The following PTPRD variants were observed in gnomAD, a reference collection of about 807,000 sequenced individuals.
PTPRD encodes the protein protein tyrosine phosphatase receptor type D.
PTPRD carries 34 observed loss-of-function variants against 214.5 expected under a neutral mutation model. That is an observed-to-expected ratio of 0.16 (90% CI 0.12 to 0.21). The LOEUF is 0.21. Among genes scored for constraint, PTPRD ranks in the 10% least tolerant of loss-of-function variants. PTPRD has a pLI of 1.00. For missense variants in PTPRD, 2,545 were observed against 2,398.7 expected, an observed-to-expected ratio of 1.06 and a Z score of -1.27; for synonymous variants, 1,128 against 845.7, an observed-to-expected ratio of 1.33 and a Z score of -5.79.
In PTPRD at chr9:8,803,944, C is replaced by T. The variant is rs550491129; in HGVS notation, c.-103-69998G>A. ...TGGATTTTTTTTTTACGTTTGAAGTCCCTCACTTCTTCCCTCCACCCCCCC... is the reference window on the plus strand; with the variant it reads ...TGGATTTTTTTTTTACGTTTGAAGTTCCTCACTTCTTCCCTCCACCCCCCC... On this transcript the variant is annotated intron_variant, in intron 11 of 45. Transcript: ENST00000381196. 2.6e-5 allele frequency among the ~76,000 whole-genome samples: 4 copies of T among 151,514 alleles called. No individual in the cohort carries two copies. The South Asian group carries it at 8.4e-4, about 32-fold the overall frequency.
intron 9 of PTPRD, among the ~76,000 whole-genome samples, chr9:9,191,589 A>G (rs2099935206): frequency 6.6e-6 from 1 of 152,142 alleles, no homozygotes; most frequent in Admixed American, 6.6e-5. Context: ...ATACTGTCCC[A>G]ATATGACAAA....
intron 5 of PTPRD, among the ~76,000 whole-genome samples, chr9:9,778,039 C>A (rs2098812392): frequency 6.6e-6 from 1 of 152,124 alleles, no homozygotes; most frequent in South Asian, 2.1e-4. Context: ...AGAGGGGAGA[C>A]AAGATGGCTG....
At chr9:10,589,223 G>C (rs1021227653) in intron 2 of PTPRD, among the ~76,000 whole-genome samples, 2 of 151,936 alleles carry the variant, frequency 1.3e-5, no homozygotes, top group Non-Finnish European at 2.9e-5. Flanking sequence ...CAGATAAACA[G>C]GTCAAAAAGA....
intron 3 of PTPRD, among the ~76,000 whole-genome samples, chr9:10,316,810 T>A (rs910778253): frequency 7.2e-5 from 11 of 151,952 alleles, no homozygotes; most frequent in Non-Finnish European, 1.2e-4. Flanking sequence ...ATGCTTTCAA[T>A]CTTGGCTTGG....
chr9:9,593,874 C>A (rs1339192959), intron 7 of PTPRD, among the ~76,000 whole-genome samples: 1 of 152,030 alleles, frequency 6.6e-6, no homozygotes, highest in Non-Finnish European at 1.5e-5. Flanking sequence ...TGACACCCCT[C>A]ATGACTTACT....
At chr9:9,840,551 A>C (rs1258929117) in intron 5 of PTPRD, among the ~76,000 whole-genome samples, 1 of 152,026 alleles carries the variant, frequency 6.6e-6, no homozygotes, top group Non-Finnish European at 1.5e-5. Context: ...CCAAAAGTAA[A>C]ATAAAATTAT....
chr9:9,167,822 A>G (rs2099907174), intron 10 of PTPRD, among the ~76,000 whole-genome samples: 1 of 152,164 alleles, frequency 6.6e-6, no homozygotes, highest in South Asian at 2.1e-4. Context: ...ATTAATTTTT[A>G]TCCTGAATTT....
At chr9:9,814,705 C>T (rs1221376900) in intron 5 of PTPRD, among the ~76,000 whole-genome samples, 2 of 151,884 alleles carry the variant, frequency 1.3e-5, no homozygotes, top group African/African-American at 4.8e-5. Flanking sequence ...CACGCAATCC[C>T]TACCAAATTC....
chr9:10,582,775 A>T (rs1472270173), intron 2 of PTPRD, among the ~76,000 whole-genome samples: 1 of 152,188 alleles, frequency 6.6e-6, no homozygotes, highest in Non-Finnish European at 1.5e-5. Flanking sequence ...AACTACACAC[A>T]CCATTGAGAT....
chr9:8,626,565 G>A (rs1316738697), intron 14 of PTPRD, among the ~76,000 whole-genome samples: 1 of 151,730 alleles, frequency 6.6e-6, no homozygotes, highest in Non-Finnish European at 1.5e-5. Context: ...GGGTGTTTTT[G>A]GATGCGATTA....
At chr9:8,405,336 T>G (rs1269182187) in intron 35 of PTPRD, among the ~76,000 whole-genome samples, 2 of 152,104 alleles carry the variant, frequency 1.3e-5, no homozygotes, top group African/African-American at 4.8e-5. Context: ...TATTTTCTAT[T>G]TATTATTATG....
chr9:10,224,317 T>C (rs976306932), intron 3 of PTPRD, among the ~76,000 whole-genome samples: 1 of 152,022 alleles, frequency 6.6e-6, no homozygotes, highest in African/African-American at 2.4e-5. Context: ...CAAATTTGTA[T>C]GGATTAGAAT....
intron 9 of PTPRD, among the ~76,000 whole-genome samples, chr9:9,198,890 A>G (rs764836840): frequency 4.9e-4 from 74 of 152,308 alleles, no homozygotes; most frequent in Middle Eastern, 6.8e-3. Context: ...CCATTATGGA[A>G]GGTCTGCTTT....
chr9:9,526,872 T>A (rs1194768831), intron 8 of PTPRD, among the ~76,000 whole-genome samples: 1 of 152,198 alleles, frequency 6.6e-6, no homozygotes, highest in East Asian at 1.9e-4. Flanking sequence ...GTTTTCACTA[T>A]AATTCAGATG....
chr9:9,101,691 A>AT (rs1175502481), intron 10 of PTPRD, among the ~76,000 whole-genome samples: 1 of 152,202 alleles, frequency 6.6e-6, no homozygotes, highest in African/African-American at 2.4e-5. Context: ...TTGAGACATG[A>AT]TGTGTGCCTG....
At chr9:8,448,855 A>G (rs1010224246) in intron 34 of PTPRD, among the ~76,000 whole-genome samples, 4 of 152,222 alleles carry the variant, frequency 2.6e-5, no homozygotes, top group African/African-American at 9.6e-5. Context: ...CTTGTCTACA[A>G]TTTGTGGGAC....
chr9:8,880,562 T>G (rs1210965706), intron 11 of PTPRD, among the ~76,000 whole-genome samples: 1 of 152,242 alleles, frequency 6.6e-6, no homozygotes, highest in Non-Finnish European at 1.5e-5. Context: ...AGTAATGAAA[T>G]AACATTACAT....
At position 10,452,498 on chromosome 9, in the gene PTPRD, T is replaced by C. The variant is rs145382406; in HGVS notation, c.-599-111481A>G. On this transcript the variant is annotated intron_variant, in intron 2 of 45. Coordinates refer to ENST00000381196, the MANE Select transcript of PTPRD (RefSeq NM_002839.4). ...TCACCAAAACTTGTTATCTTCTTTT[T>C]TTATATTGGCCACCCTAACATGTGG... Among the ~76,000 whole-genome samples the C allele has an allele frequency of 1.5e-4, 23 of 152,014 alleles. No homozygotes were observed. In the East Asian group the frequency reaches 4.4e-3, roughly 29 times the overall value.
chr9:8,540,093 T>C (rs1008318325), intron 14 of PTPRD, among the ~76,000 whole-genome samples: 26 of 152,252 alleles, frequency 1.7e-4, no homozygotes, highest in African/African-American at 6.3e-4. Context: ...AGTTCAGGAA[T>C]AATAAGTTCT....
Sources: allele counts gnomAD v4.1 joint callset (sites outside exome capture counted in the v4.1 genomes callset), GRCh38; gene constraint gnomAD v4.1.1; transcripts MANE v1.5; gene names NCBI Gene and HGNC (gene_info 2026-07-23, HGNC 2026-07-21).